The following NR5A2 variants were observed in gnomAD, a reference collection of about 807,000 sequenced individuals.
NR5A2 encodes nuclear receptor subfamily 5 group A member 2, also known as CYP7A promoter-binding factor.
A neutral mutation model predicts 62.7 loss-of-function variants in NR5A2; 26 were observed. The observed-to-expected ratio is 0.41, with a 90% confidence interval of 0.30 to 0.58. NR5A2 has a LOEUF of 0.58. Among genes scored for constraint, NR5A2 ranks in the 20% least tolerant of loss-of-function variants. The probability of loss-of-function intolerance (pLI) is 0.22; values close to 1 mark genes in which losing one functional copy is unlikely to be tolerated. For synonymous variants in NR5A2, 246 were observed against 241.7 expected, an observed-to-expected ratio of 1.02 and a Z score of -0.16; for missense variants, 541 against 669.1, an observed-to-expected ratio of 0.81 and a Z score of 2.11.
rs1481730185 is a variant in NR5A2 at position 200,074,750 on chromosome 1, A to AAAAAAAC, written c.1110+25934_1110+25940dup. On this transcript the variant is annotated intron_variant, in intron 5 of 7. Transcript: ENST00000367362. ...AGAGTCCATCTCAAAAAAAAAAAAA[A>AAAAAAAC]AAAAAACACGAGAGAAACACAAATC... Among the ~76,000 whole-genome samples, 41 of 148,596 alleles carry AAAAAAAC rather than the reference A, an allele frequency of 2.8e-4. 3 individuals carry two copies. In the East Asian group the frequency reaches 7.5e-3, roughly 27 times the overall value.
intron 5 of NR5A2, among the ~76,000 whole-genome samples, chr1:200,088,068 T>TTTTG (rs1246357634): frequency 1.3e-5 from 2 of 151,898 alleles, no homozygotes; most frequent in Admixed American, 1.3e-4. Context: ...AACATTTTAA[T>TTTTG]TTTGTTTGTT....
In NR5A2 at chr1:200,111,294, A is replaced by G. The variant is rs1285821360; in HGVS notation, c.1203A>G (p.Gly401=). 1 of 1,611,424 alleles carries G rather than the reference A, an allele frequency of 6.2e-7. No homozygotes were observed. The highest frequency in any genetic ancestry group is 2.2e-5 in the East Asian group (1 of 44,814). ...GACAAGTGGTACATGGAAAGGAAGGATCCATCTTCCTGGTTACTGGGCAAC... is the reference window on the plus strand; with the variant it reads ...GACAAGTGGTACATGGAAAGGAAGGGTCCATCTTCCTGGTTACTGGGCAAC... ...IYRQVVHGKE[G]SIFLVTGQQV... The change falls in exon 6 of 8, where the codon GGA becomes GGG. Residue 401 remains glycine, a synonymous_variant. Transcript: ENST00000367362.
chr1:200,096,968 T>C (rs1665132267), intron 5 of NR5A2, among the ~76,000 whole-genome samples: 1 of 152,182 alleles, frequency 6.6e-6, no homozygotes, highest in Non-Finnish European at 1.5e-5. Flanking sequence ...ATGATGCATT[T>C]CTCAGAACAT....
chr1:200,043,744 T>C lies in NR5A2; in HGVS notation c.203-30T>C, dbSNP rs376924999. 5.8e-6 allele frequency: 8 copies of C among 1,377,504 alleles called. No homozygotes were observed. The African/African-American group carries it at 1.1e-4, about 20-fold the overall frequency. The allele number at this position is 1,377,504 out of a possible 1,614,324, so 85.3% of individuals were successfully genotyped here. A position where few individuals can be genotyped will look rare whatever the true frequency, so the allele number is the denominator to read the frequency against. ...AACACCTACATGTAAATTAATTGAA[T>C]ATGTGTATACATTTCTCTTTTTGTT... On this transcript the variant is annotated intron_variant, in intron 2 of 7. Coordinates refer to ENST00000367362, the MANE Select transcript of NR5A2 (RefSeq NM_205860.3).
chr1:200,077,355 T>A (rs1465172903), intron 5 of NR5A2, among the ~76,000 whole-genome samples: 2 of 152,242 alleles, frequency 1.3e-5, no homozygotes. Context: ...TAACTCATTT[T>A]CACTAGCTAA....
chr1:200,155,680 AT>A (rs199968182), intron 7 of NR5A2, among the ~76,000 whole-genome samples: 5,023 of 146,298 alleles, frequency 0.034, 106 homozygotes, highest in South Asian at 0.079. Context: ...TAATAAAAAA[AT>A]TTTTTTTTTT....
chr1:200,041,651 G>C (rs1422924620), intron 2 of NR5A2, among the ~76,000 whole-genome samples: 1 of 152,238 alleles, frequency 6.6e-6, no homozygotes, highest in Non-Finnish European at 1.5e-5. Context: ...AACTGGGGAA[G>C]AGTGTGGGCG....
At chr1:200,168,305 GCTCAAATGATGCTCCTACTTCAGCCT>G (rs1654006493) in intron 7 of NR5A2, among the ~76,000 whole-genome samples, 1 of 151,696 alleles carries the variant, frequency 6.6e-6, no homozygotes, top group South Asian at 2.1e-4. Flanking sequence ...GAACTCCTGG[GCTCAAATGATGCTCCTACTTCAGCCT>G]CTCAAGTAGC....
chr1:200,144,384 A>G (rs12069089), intron 7 of NR5A2, among the ~76,000 whole-genome samples: 4,581 of 152,180 alleles, frequency 0.03, 239 homozygotes, highest in African/African-American at 0.11. Context: ...ACTGTTGCCC[A>G]ACAAACTGAG....
At chr1:200,040,513 A>G (rs1411870123) in intron 2 of NR5A2, among the ~76,000 whole-genome samples, 2 of 152,176 alleles carry the variant, frequency 1.3e-5, no homozygotes, top group Non-Finnish European at 2.9e-5. Context: ...CAACAAAAAA[A>G]CAAATCCCGC....
intron 6 of NR5A2, among the ~76,000 whole-genome samples, chr1:200,119,983 CTAAA>C (rs1333890069): frequency 6.6e-6 from 1 of 151,872 alleles, no homozygotes; most frequent in Non-Finnish European, 1.5e-5. Context: ...AATTATTCTC[CTAAA>C]TAAAGTTATT....
chr1:200,086,597 C>T (rs766859473), intron 5 of NR5A2, among the ~76,000 whole-genome samples: 1 of 152,170 alleles, frequency 6.6e-6, no homozygotes, highest in Admixed American at 6.5e-5. Flanking sequence ...GCCATTGCGC[C>T]GGCCTGACTT....
At chr1:200,034,784 T>C (rs1342538700) in intron 1 of NR5A2, among the ~76,000 whole-genome samples, 2 of 25,542 alleles carry the variant, frequency 7.8e-5, no homozygotes, top group Non-Finnish European at 1.3e-4. Context: ...GCAGAAAGGC[T>C]TTTTTTTTTT....
At chr1:200,061,181 T>C (rs1383810690) in intron 5 of NR5A2, among the ~76,000 whole-genome samples, 8 of 150,552 alleles carry the variant, frequency 5.3e-5, no homozygotes, top group Non-Finnish European at 7.4e-5. Context: ...AAATGCTGCC[T>C]GATCATTTCT....
chr1:200,160,052 C>T (rs1009628891), intron 7 of NR5A2, among the ~76,000 whole-genome samples: 1 of 152,162 alleles, frequency 6.6e-6, no homozygotes, highest in South Asian at 2.1e-4. Flanking sequence ...CCCTTTTCTG[C>T]GTGAGCTGGT....
intron 5 of NR5A2, among the ~76,000 whole-genome samples, chr1:200,089,922 C>T (rs1436001501): frequency 1.3e-5 from 2 of 152,212 alleles, no homozygotes; most frequent in Non-Finnish European, 2.9e-5. Context: ...TCTTCCTCTC[C>T]ATCTCGTCTC....
intron 5 of NR5A2, among the ~76,000 whole-genome samples, chr1:200,106,875 CTA>C (rs1044478684): frequency 1.8e-4 from 28 of 152,248 alleles, no homozygotes; most frequent in African/African-American, 4.8e-4. Context: ...TGCGTAAAAA[CTA>C]TGTTATCCAA....
At chr1:200,116,946 G>A (rs2260033) in intron 6 of NR5A2, among the ~76,000 whole-genome samples, 63,710 of 151,896 alleles carry the variant, frequency 0.42, 13,853 homozygotes, top group East Asian at 0.68. Flanking sequence ...AGGTCTACTG[G>A]CAACTTATTA....
intron 5 of NR5A2, among the ~76,000 whole-genome samples, chr1:200,068,101 T>C (rs553051259): frequency 7.2e-5 from 11 of 152,356 alleles, no homozygotes; most frequent in African/African-American, 2.6e-4. Flanking sequence ...TTGCTAGTTA[T>C]TTTAAATATT....
Sources: gnomAD v4.1 joint callset for allele counts (sites outside exome capture counted in the v4.1 genomes callset) on GRCh38, gnomAD v4.1.1 for gene constraint, MANE v1.5 for transcripts, NCBI Gene and HGNC (gene_info 2026-07-23, HGNC 2026-07-21) for gene names.